Variants in LRRTM4 observed in about 807,000 individuals in gnomAD.
LRRTM4 encodes the protein leucine-rich repeat transmembrane neuronal protein 4.
Under a neutral mutation model 47.6 loss-of-function variants are expected in LRRTM4, and 25 were observed. The ratio of observed to expected loss-of-function variants is 0.53; its 90% CI spans 0.38 to 0.73. The LOEUF is 0.73. LRRTM4 is among the 30% of genes least tolerant of loss of function. The probability of loss-of-function intolerance (pLI) is 0.00; values close to 1 mark genes in which losing one functional copy is unlikely to be tolerated. For missense variants in LRRTM4, 638 were observed against 713.4 expected (o/e 0.89, Z 1.20); for synonymous variants, 311 against 269.5 (o/e 1.15, Z -1.51).
intron 3 of LRRTM4, among the ~76,000 whole-genome samples, chr2:77,149,798 C>G (rs1490589818): frequency 6.6e-6 from 1 of 152,172 alleles, no homozygotes; most frequent in Non-Finnish European, 1.5e-5. Flanking sequence ...GTCAGCATCT[C>G]ACACCTCACT....
intron 3 of LRRTM4, among the ~76,000 whole-genome samples, chr2:77,265,188 T>A (rs1276980152): frequency 6.6e-6 from 1 of 152,104 alleles, no homozygotes; most frequent in African/African-American, 2.4e-5. Flanking sequence ...TTCACCATAT[T>A]TTCAGTTGTA....
chr2:77,090,804 GCTCT>G (rs1390286809), intron 3 of LRRTM4, among the ~76,000 whole-genome samples: 2 of 152,154 alleles, frequency 1.3e-5, no homozygotes, highest in South Asian at 2.1e-4. Flanking sequence ...CTGGCCCAAG[GCTCT>G]CTGACTGACT....
At chr2:77,090,040 C>T (rs547711828) in intron 3 of LRRTM4, among the ~76,000 whole-genome samples, 3 of 152,196 alleles carry the variant, frequency 2.0e-5, no homozygotes, top group African/African-American at 7.2e-5. Flanking sequence ...CACCTGACCT[C>T]TCCCTTGCTC....
At chr2:77,112,562 G>A (rs1053158662) in intron 3 of LRRTM4, among the ~76,000 whole-genome samples, 2 of 151,338 alleles carry the variant, frequency 1.3e-5, no homozygotes, top group African/African-American at 2.4e-5. Flanking sequence ...TGATTTTTCA[G>A]GTGAGAATCA....
At chr2:76,885,076 G>A (rs1673031938) in intron 3 of LRRTM4, among the ~76,000 whole-genome samples, 1 of 151,812 alleles carries the variant, frequency 6.6e-6, no homozygotes, top group Non-Finnish European at 1.5e-5. Flanking sequence ...TGTTAGTAGT[G>A]CTTCTGCTTG....
At chr2:77,493,897 G>A (rs574433693) in intron 3 of LRRTM4, among the ~76,000 whole-genome samples, 1 of 152,140 alleles carries the variant, frequency 6.6e-6, no homozygotes, top group South Asian at 2.1e-4. Context: ...TTTCTTTACA[G>A]ACATTGACAC....
intron 3 of LRRTM4, among the ~76,000 whole-genome samples, chr2:77,077,616 C>T (rs1680380751): frequency 6.6e-6 from 1 of 152,068 alleles, no homozygotes; most frequent in Non-Finnish European, 1.5e-5. Context: ...ATCTGGGAAC[C>T]TACTGAGATA....
At chr2:77,216,940 G>T (rs1426037341) in intron 3 of LRRTM4, among the ~76,000 whole-genome samples, 4 of 151,984 alleles carry the variant, frequency 2.6e-5, no homozygotes, top group Non-Finnish European at 5.9e-5. Context: ...GGGCGTGGTG[G>T]AGGGCACCTG....
intron 3 of LRRTM4, among the ~76,000 whole-genome samples, chr2:77,103,070 A>G (rs957808455): frequency 6.6e-6 from 1 of 152,122 alleles, no homozygotes; most frequent in African/African-American, 2.4e-5. Flanking sequence ...TTGGGCCCCA[A>G]TATTGATTTC....
intron 3 of LRRTM4, among the ~76,000 whole-genome samples, chr2:76,831,323 A>G (rs937950522): frequency 6.6e-6 from 1 of 152,144 alleles, no homozygotes; most frequent in African/African-American, 2.4e-5. Context: ...CTGTAGCTTC[A>G]TTGGTGTGTG....
At chr2:77,379,004 G>A (rs1323851271) in intron 3 of LRRTM4, among the ~76,000 whole-genome samples, 1 of 151,886 alleles carries the variant, frequency 6.6e-6, no homozygotes, top group African/African-American at 2.4e-5. Context: ...TAATATTGTT[G>A]TCATTTGTCC....
intron 3 of LRRTM4, among the ~76,000 whole-genome samples, chr2:77,212,130 A>G (rs1276810169): frequency 6.6e-6 from 1 of 152,088 alleles, no homozygotes; most frequent in Non-Finnish European, 1.5e-5. Context: ...AAGGAAAAAC[A>G]TACTATTGAG....
chr2:76,780,467 T>A (rs1470313669), intron 3 of LRRTM4, among the ~76,000 whole-genome samples: 1 of 152,136 alleles, frequency 6.6e-6, no homozygotes, highest in Non-Finnish European at 1.5e-5. Context: ...TTTCTTTTTA[T>A]TCTTTTTCCT....
chr2:77,464,023 G>A (rs1244705061), intron 3 of LRRTM4, among the ~76,000 whole-genome samples: 1 of 152,098 alleles, frequency 6.6e-6, no homozygotes, highest in African/African-American at 2.4e-5. Flanking sequence ...CTTAGAGAAG[G>A]TGAATGAGTC....
Position 77,061,685 on chromosome 2 carries a change from CAAAT to C in LRRTM4, c.1552-312773_1552-312770del, listed in dbSNP as rs142848422. Among the ~76,000 whole-genome samples the C allele has an allele frequency of 3.5e-3, 539 of 152,254 alleles. 3 individuals carry two copies. Among genetic ancestry groups the C allele is most frequent in the Non-Finnish European group, 4.9e-3 (332 of 68,022 alleles). The stretch of plus-strand genomic sequence containing the variant: ...CATATATATGTATCAAACCAACTCT[CAAAT>C]AGTTTTCCATTATCCTCCATATTGA... On this transcript the variant is annotated intron_variant, in intron 3 of 3. Coordinates refer to ENST00000409884, the MANE Select transcript of LRRTM4 (RefSeq NM_001134745.3).
chr2:76,974,185 TAC>T (rs1330824107), intron 3 of LRRTM4, among the ~76,000 whole-genome samples: 47 of 95,268 alleles, frequency 4.9e-4, no homozygotes, highest in African/African-American at 2.3e-3. Flanking sequence ...TATATATACA[TAC>T]ATATATATAC....
intron 3 of LRRTM4, among the ~76,000 whole-genome samples, chr2:77,466,842 G>C (rs1222978707): frequency 6.6e-6 from 1 of 151,806 alleles, no homozygotes; most frequent in East Asian, 1.9e-4. Context: ...GGGACTACAG[G>C]TGCCTGCCAA....
intron 3 of LRRTM4, among the ~76,000 whole-genome samples, chr2:77,191,782 G>C (rs1344811604): frequency 6.6e-6 from 1 of 151,954 alleles, no homozygotes; most frequent in Non-Finnish European, 1.5e-5. Flanking sequence ...TAAATTTTTA[G>C]TACTGGAGTA....
At chr2:77,331,101 C>G (rs1165228752) in intron 3 of LRRTM4, among the ~76,000 whole-genome samples, 2 of 152,036 alleles carry the variant, frequency 1.3e-5, no homozygotes, top group Admixed American at 1.3e-4. Flanking sequence ...TCTAGAGATG[C>G]AAAGAAAACA....
Sources: allele counts gnomAD v4.1 joint callset (sites outside exome capture counted in the v4.1 genomes callset), GRCh38; gene constraint gnomAD v4.1.1; transcripts MANE v1.5; gene names NCBI Gene and HGNC (gene_info 2026-07-23, HGNC 2026-07-21).